SFSWAP: variants seen among roughly 807,000 people sequenced by gnomAD.
SFSWAP encodes splicing factor SWAP.
In SFSWAP, 17 loss-of-function variants were observed where a neutral mutation model predicts 100.7. The ratio of observed to expected loss-of-function variants is 0.17; its 90% CI spans 0.12 to 0.25. SFSWAP has a LOEUF of 0.25. Among genes scored for constraint, SFSWAP ranks in the 10% least tolerant of loss-of-function variants. SFSWAP has a pLI of 1.00. For synonymous variants in SFSWAP, 504 were observed against 510.1 expected, an observed-to-expected ratio of 0.99 and a Z score of 0.16; for missense variants, 1,005 against 1,262.6, an observed-to-expected ratio of 0.80 and a Z score of 3.09.
intron 14 of SFSWAP, among the ~76,000 whole-genome samples, chr12:131,781,395 G>A (rs1207966442): frequency 1.2e-4 from 18 of 151,438 alleles, no homozygotes; most frequent in East Asian, 3.9e-4. Context: ...CCGCCACCTC[G>A]CCCGGCTAAT....
In SFSWAP at chr12:131,755,506, T is replaced by C. The variant is rs754007934; in HGVS notation, c.1548+27T>C. On this transcript the variant is annotated intron_variant, in intron 10 of 17. Transcript: ENST00000261674. Reference sequence around the variant, plus strand: ...TACGTGTCTGAATGCAGGGAGGCTGTGAAGCTCTTAGAGGTGGCTCCGCCT... The same window carrying C: ...TACGTGTCTGAATGCAGGGAGGCTGCGAAGCTCTTAGAGGTGGCTCCGCCT... The C allele has an allele frequency of 1.9e-6, 3 of 1,546,818 alleles. No homozygotes were observed. In the East Asian group the frequency reaches 6.7e-5, roughly 35 times the overall value.
intron 7 of SFSWAP, among the ~76,000 whole-genome samples, chr12:131,749,745 G>C (rs1188794183): frequency 6.6e-6 from 1 of 152,236 alleles, no homozygotes; most frequent in Non-Finnish European, 1.5e-5. Flanking sequence ...CTGAGGGCCT[G>C]CTCATGCCAG....
At chr12:131,751,110 A>G (rs147431992) in intron 7 of SFSWAP, among the ~76,000 whole-genome samples, 3 of 152,272 alleles carry the variant, frequency 2.0e-5, no homozygotes, top group Non-Finnish European at 4.4e-5. Flanking sequence ...GGAAGGTCAT[A>G]TAGACTAACA....
chr12:131,764,244 T>C (rs570143039), intron 11 of SFSWAP, among the ~76,000 whole-genome samples: 1 of 152,362 alleles, frequency 6.6e-6, no homozygotes, highest in South Asian at 2.1e-4. Flanking sequence ...TCTCACAGCA[T>C]GGTTCAGGGG....
At chr12:131,752,656 G>A (rs1035379350) in intron 7 of SFSWAP, among the ~76,000 whole-genome samples, 3 of 152,240 alleles carry the variant, frequency 2.0e-5, no homozygotes, top group Admixed American at 1.3e-4. Context: ...CGTGTGAATG[G>A]AGGGAGCAGC....
rs1489315965 is a variant in SFSWAP at position 131,778,186 on chromosome 12, A to G, written c.2264A>G (p.Glu755Gly). ...GATCCACCGAGAGAAGAAGAGAAAGAAAAGAAAAAGAAAAAGCACAAAAAA... is the reference window on the plus strand; with the variant it reads ...GATCCACCGAGAGAAGAAGAGAAAGGAAAGAAAAAGAAAAAGCACAAAAAA... ...SKDPPREEEK[E>G]KKKKKHKKRS... Residue 755 changes from glutamate to glycine, a missense_variant, in exon 14 of 18, where the codon GAA becomes GGA. Transcript: ENST00000261674. The surrounding 1 kb of genome is among the most constrained non-coding windows in gnomAD (Gnocchi z 4.2). 1.2e-6 allele frequency: 2 copies of G among 1,613,870 alleles called. No individual in the cohort carries two copies. Among genetic ancestry groups the G allele is most frequent in the African/African-American group, 1.3e-5 (1 of 74,912 alleles).
intron 7 of SFSWAP, among the ~76,000 whole-genome samples, chr12:131,749,294 C>T (rs1167278680): frequency 6.6e-6 from 1 of 152,162 alleles, no homozygotes; most frequent in Non-Finnish European, 1.5e-5. Context: ...CCCGGCATGT[C>T]GTGGCAGCCT....
At chr12:131,719,644 T>C in intron 4 of SFSWAP, 105 bp downstream of exon 4, 1 of 869,786 alleles carries the variant, frequency 1.1e-6, no homozygotes, top group East Asian at 2.5e-5. Flanking sequence ...TTTAGGCATA[T>C]AATGCTTTAA....
At chr12:131,748,800 G>A (rs1324122328) in intron 7 of SFSWAP, among the ~76,000 whole-genome samples, 1 of 152,214 alleles carries the variant, frequency 6.6e-6, no homozygotes, top group African/African-American at 2.4e-5. Flanking sequence ...AACTATACTT[G>A]CCTTTAGGGA....
At chr12:131,760,599 A>G (rs1882574392) in intron 11 of SFSWAP, among the ~76,000 whole-genome samples, 2 of 152,218 alleles carry the variant, frequency 1.3e-5, no homozygotes. Context: ...CTACTCCTAG[A>G]AACGTGTTTT....
At chr12:131,716,423 C>G (rs1877920637) in intron 3 of SFSWAP, among the ~76,000 whole-genome samples, 1 of 152,218 alleles carries the variant, frequency 6.6e-6, no homozygotes, top group South Asian at 2.1e-4. Flanking sequence ...CCAGAATAAG[C>G]TCTCCTTCCT....
intron 15 of SFSWAP, among the ~76,000 whole-genome samples, chr12:131,788,778 G>A (rs1004308103): frequency 6.6e-6 from 1 of 152,026 alleles, no homozygotes; most frequent in Admixed American, 6.6e-5. Context: ...CCCATGCCTG[G>A]TACAGAATAT....
In SFSWAP at chr12:131,728,273, T is replaced by C. The variant is rs1243303090; in HGVS notation, c.946-20T>C. ...GGTTCAGAATATTGAATGCTAAGGCTGTGTCTTCTCTGTTTCCAGCCCTTG... is the reference window on the plus strand; with the variant it reads ...GGTTCAGAATATTGAATGCTAAGGCCGTGTCTTCTCTGTTTCCAGCCCTTG... On this transcript the variant is annotated intron_variant, in intron 6 of 17. Transcript: ENST00000261674. 6.2e-7 allele frequency: 1 copy of C among 1,614,044 alleles called. No individual in the cohort carries two copies.
chr12:131,796,970 C>T (rs1313298935), intron 15 of SFSWAP: 5 of 501,646 alleles, frequency 1.0e-5, no homozygotes, highest in Non-Finnish European at 1.8e-5. Context: ...AAATATTTTA[C>T]TTGAGGTCCT....
chr12:131,736,901 G>A (rs1031466444), intron 7 of SFSWAP, among the ~76,000 whole-genome samples: 9 of 152,210 alleles, frequency 5.9e-5, no homozygotes, highest in South Asian at 2.1e-4. Context: ...CGGTGGGGGT[G>A]TAGATTTGTG....
chr12:131,778,203 C>T lies in SFSWAP; in HGVS notation c.2281C>T (p.His761Tyr). The part of the protein sequence containing the change: ...EEEKEKKKKK[H>Y]KKRSRTRSRS... ...AGAGAAAGAAAAGAAAAAGAAAAAG[C>T]ACAAAAAAAGATCTCGAACAAGATC... is the stretch of plus-strand genomic sequence containing the variant. The change falls in exon 14 of 18, where the codon CAC (histidine) becomes TAC (tyrosine). Residue 761 changes from histidine (H) to tyrosine (Y), a missense_variant. By Grantham distance (83) the His-to-Tyr change is moderately conservative. Coordinates refer to ENST00000261674, the MANE Select transcript of SFSWAP (RefSeq NM_004592.4). The surrounding 1 kb of genome is among the most constrained non-coding windows in gnomAD (Gnocchi z 4.2). 6.2e-7 allele frequency: 1 copy of T among 1,613,966 alleles called. No homozygotes were observed. The highest frequency in any genetic ancestry group is 8.5e-7 in the Non-Finnish European group (1 of 1,179,948).
chr12:131,788,693 C>T (rs1885057004), intron 15 of SFSWAP, among the ~76,000 whole-genome samples: 1 of 151,758 alleles, frequency 6.6e-6, no homozygotes, highest in Non-Finnish European at 1.5e-5. Context: ...GCCTGGCTGG[C>T]TGCTCTCAAG....
chr12:131,778,481 A>G lies in SFSWAP; in HGVS notation c.2408+151A>G, dbSNP rs1473056565. ...ATGTGCATGTGTGCCCTGCAAGTCC[A>G]AGTAAGATCTTTTTCAGATTTTTGT... On this transcript the variant is annotated intron_variant, in intron 14 of 17. Coordinates refer to ENST00000261674, the MANE Select transcript of SFSWAP (RefSeq NM_004592.4). The surrounding 1 kb of genome is among the most constrained non-coding windows in gnomAD (Gnocchi z 4.2). The G allele has an allele frequency of 1.4e-5, 17 of 1,255,616 alleles. No homozygotes were observed. The highest frequency in any genetic ancestry group is 1.8e-5 in the Non-Finnish European group (17 of 924,756). The allele number at this position is 1,255,616 out of a possible 1,614,324, so 77.8% of individuals were successfully genotyped here.
intron 4 of SFSWAP, among the ~76,000 whole-genome samples, chr12:131,721,859 G>A (rs1878503019): frequency 6.6e-6 from 1 of 152,098 alleles, no homozygotes; most frequent in African/African-American, 2.4e-5. Flanking sequence ...TTGACTTTGT[G>A]GAAACTGAGT....
Sources: allele counts gnomAD v4.1 joint callset (sites outside exome capture counted in the v4.1 genomes callset), GRCh38; gene constraint gnomAD v4.1.1; non-coding constraint Gnocchi (gnomAD v3.1); transcripts MANE v1.5; gene names NCBI Gene and HGNC (gene_info 2026-07-23, HGNC 2026-07-21).